The following DIPK1A variants were observed in gnomAD, a reference collection of about 807,000 sequenced individuals.
The protein encoded by DIPK1A is family with sequence similarity 69 member A.
DIPK1A carries 27 observed loss-of-function variants against 40.8 expected under a neutral mutation model. That is an observed-to-expected ratio of 0.66 (90% CI 0.49 to 0.91). The LOEUF (loss-of-function observed/expected upper bound fraction) is 0.91. Ranked by LOEUF, DIPK1A falls within the 40% of genes least tolerant of loss-of-function variation. The pLI, the probability that DIPK1A is intolerant of heterozygous loss-of-function variation, is 0.00. For synonymous variants in DIPK1A, 166 were observed against 171.3 expected (o/e 0.97, Z 0.24); for missense variants, 412 against 505.7 (o/e 0.81, Z 1.78).
downstream of DIPK1A, chr1:92,837,839 C>T (rs1032798551): frequency 3.4e-6 from 2 of 580,826 alleles, no homozygotes; most frequent in Non-Finnish European, 6.1e-6. Flanking sequence ...TATGCTTTGG[C>T]TGTTCTGTAT....
chr1:92,932,384 T>C (rs887295930), intron 1 of DIPK1A: 4 of 152,400 alleles, frequency 2.6e-5, no homozygotes, highest in African/African-American at 9.7e-5. Flanking sequence ...GAGGTTGCAG[T>C]GAGCTGAGAT....
chr1:92,950,258 T>C (rs1158765020), intron 1 of DIPK1A, among the ~76,000 whole-genome samples: 1 of 152,218 alleles, frequency 6.6e-6, no homozygotes, highest in East Asian at 1.9e-4. Context: ...GGTGGACACG[T>C]TGACACATGA....
At chr1:92,857,226 C>G (rs1166031168) in intron 2 of DIPK1A, among the ~76,000 whole-genome samples, 2 of 151,904 alleles carry the variant, frequency 1.3e-5, no homozygotes, top group Non-Finnish European at 2.9e-5. Flanking sequence ...TCAACTATAC[C>G]TGTAATGTTT....
intron 1 of DIPK1A, among the ~76,000 whole-genome samples, chr1:92,904,240 T>C (rs1649520900): frequency 1.3e-5 from 2 of 152,218 alleles, no homozygotes; most frequent in Admixed American, 1.3e-4. Context: ...AAAAGTGTTT[T>C]TGCTGTGGCA....
At chr1:92,859,229 A>G (rs1444512930) in intron 2 of DIPK1A, among the ~76,000 whole-genome samples, 1 of 152,220 alleles carries the variant, frequency 6.6e-6, no homozygotes, top group East Asian at 1.9e-4. Context: ...TCCTAAGGAA[A>G]AAAAATAGCT....
chr1:92,934,874 T>C (rs1650889125), intron 1 of DIPK1A, among the ~76,000 whole-genome samples: 3 of 152,206 alleles, frequency 2.0e-5, no homozygotes. Context: ...ACAATGGAAG[T>C]TCTACAGATG....
rs549149760 is a variant in DIPK1A at position 92,915,064 on chromosome 1, G to A, written c.55-38634C>T. ...GATGGCACCACTGCACTTCAGCCTG[G>A]GTGACAGAGCAAGACTGTCAAAAAA... On this transcript the variant is annotated intron_variant, in intron 1 of 4. Transcript: ENST00000370310. Among the ~76,000 whole-genome samples the A allele has an allele frequency of 2.9e-5, 4 of 135,700 alleles. No homozygotes were observed. The East Asian group carries it at 8.3e-4, about 28-fold the overall frequency. 89.0% of individuals were successfully genotyped at this position (135,700 alleles called of 152,430 possible). A position where few individuals can be genotyped will look rare whatever the true frequency, so the allele number is the denominator to read the frequency against.
intron 1 of DIPK1A, chr1:92,877,228 C>T: frequency 1.6e-6 from 1 of 621,718 alleles, no homozygotes; most frequent in Non-Finnish European, 2.0e-6. Flanking sequence ...ACATATCAAA[C>T]AGTTTCATCT....
chr1:92,917,866 AG>A (rs1196818797), intron 1 of DIPK1A, among the ~76,000 whole-genome samples: 5 of 152,214 alleles, frequency 3.3e-5, no homozygotes, highest in Non-Finnish European at 5.9e-5. Flanking sequence ...AGGCTAAGAT[AG>A]TCCCTGTGTA....
At chr1:92,876,996 T>C (rs1423021319) in intron 1 of DIPK1A, 1 of 985,326 alleles carries the variant, frequency 1.0e-6, no homozygotes, top group Non-Finnish European at 1.2e-6. Flanking sequence ...GCGAACCAAA[T>C]GTTTCACCGA....
chr1:92,882,812 C>T (rs532915149), intron 1 of DIPK1A, among the ~76,000 whole-genome samples: 1 of 152,196 alleles, frequency 6.6e-6, no homozygotes, highest in East Asian at 1.9e-4. Flanking sequence ...TGCCAGTCAC[C>T]GCAGGAGACA....
At chr1:92,891,269 A>G (rs1010344227) in intron 1 of DIPK1A, among the ~76,000 whole-genome samples, 5 of 148,764 alleles carry the variant, frequency 3.4e-5, no homozygotes, top group South Asian at 4.2e-4. Flanking sequence ...TGAAAAACCA[A>G]TTTTTCATTT....
chr1:92,841,244 T>C (rs1249068562), downstream of DIPK1A, among the ~76,000 whole-genome samples: 1 of 152,196 alleles, frequency 6.6e-6, no homozygotes, highest in Admixed American at 6.5e-5. Flanking sequence ...GTGAGTTCCA[T>C]TGTTTTAGAT....
chr1:92,883,772 T>C (rs1429520471), intron 1 of DIPK1A, among the ~76,000 whole-genome samples: 1 of 152,096 alleles, frequency 6.6e-6, no homozygotes, highest in Non-Finnish European at 1.5e-5. Flanking sequence ...TGGTTAGAAA[T>C]GGCCAGCTCA....
At chr1:92,943,664 C>T (rs113453387) in intron 1 of DIPK1A, among the ~76,000 whole-genome samples, 2 of 152,312 alleles carry the variant, frequency 1.3e-5, no homozygotes, top group African/African-American at 4.8e-5. Context: ...TCCGCTGGCA[C>T]GAGGGACCCC....
At chr1:92,935,607 T>C (rs1255680651) in intron 1 of DIPK1A, among the ~76,000 whole-genome samples, 1 of 152,156 alleles carries the variant, frequency 6.6e-6, no homozygotes, top group Admixed American at 6.5e-5. Context: ...TTCGTCCTTA[T>C]CTATAAAATC....
chr1:92,842,555 T>G lies in DIPK1A; in HGVS notation c.*828A>C, dbSNP rs1687416555. 1.0e-6 allele frequency: 1 copy of G among 985,122 alleles called. No individual in the cohort carries two copies. Among genetic ancestry groups the G allele is most frequent in the Non-Finnish European group, 1.2e-6 (1 of 829,668 alleles). 61.0% of individuals were successfully genotyped at this position (985,122 alleles called of 1,614,324 possible). ...CCTTTGGCCCACAGGATATACTGTT[T>G]GAAAATGGAAAGTTATTACTAAAAA... is the stretch of plus-strand genomic sequence containing the variant. On this transcript the variant is annotated 3_prime_UTR_variant, in exon 5 of 5. Transcript: ENST00000370310.
intron 1 of DIPK1A, chr1:92,931,027 T>C (rs1255036163): frequency 6.6e-6 from 1 of 152,254 alleles, no homozygotes; most frequent in Non-Finnish European, 1.5e-5. Flanking sequence ...TACTTCATTC[T>C]TTGCTTGGCA....
chr1:92,833,433 C>T lies in DIPK1A; in HGVS notation c.475-399G>A, dbSNP rs148673599. The T allele has an allele frequency of 4.3e-6, 7 of 1,613,836 alleles. No homozygotes were observed. In the Admixed American group the frequency reaches 1.2e-4, roughly 27 times the overall value. ...AGAATAAGGCCTACTTTAAGAGATA[C>T]CAAGTGAAATTTAGAAGACGACGAG... is the stretch of plus-strand genomic sequence containing the variant. On this transcript the variant is annotated intron_variant, in intron 4 of 4. Transcript: ENST00000615519.
Sources: gnomAD v4.1 joint callset for allele counts (sites outside exome capture counted in the v4.1 genomes callset) on GRCh38, gnomAD v4.1.1 for gene constraint, MANE v1.5 for transcripts, NCBI Gene and HGNC (gene_info 2026-07-23, HGNC 2026-07-21) for gene names.